Variants in METTL9 observed in about 807,000 individuals in gnomAD.
METTL9 encodes protein-L-histidine N-pros-methyltransferase.
Under a neutral mutation model 36.0 loss-of-function variants are expected in METTL9, and 10 were observed. The ratio of observed to expected loss-of-function variants is 0.28; its 90% CI spans 0.17 to 0.47. The LOEUF (loss-of-function observed/expected upper bound fraction) is 0.47. Ranked by LOEUF, METTL9 falls within the 20% of genes least tolerant of loss-of-function variation. METTL9 has a pLI of 0.99. For synonymous variants in METTL9, 175 were observed against 149.7 expected (o/e 1.17, Z -1.23); for missense variants, 246 against 383.5 (o/e 0.64, Z 3.00).
intron 3 of METTL9, among the ~76,000 whole-genome samples, chr16:21,623,795 G>T (rs1346485550): frequency 1.3e-5 from 2 of 151,798 alleles, no homozygotes; most frequent in Non-Finnish European, 2.9e-5. Context: ...GTTTTGAGAT[G>T]GAGTCTGGCT....
At chr16:21,649,679 T>G (rs1449366419) in intron 4 of METTL9, among the ~76,000 whole-genome samples, 1 of 152,210 alleles carries the variant, frequency 6.6e-6, no homozygotes, top group Non-Finnish European at 1.5e-5. Context: ...GTAAAATTAT[T>G]TTTAAAAAGT....
intron 2 of METTL9, among the ~76,000 whole-genome samples, chr16:21,614,281 C>T (rs1965500998): frequency 6.6e-6 from 1 of 152,026 alleles, no homozygotes; most frequent in Admixed American, 6.6e-5. Context: ...AGATTCTTAT[C>T]CTTTCTGGGG....
In METTL9 at chr16:21,599,777, T is replaced by G. The variant is rs1489522004; in HGVS notation, c.44T>G (p.Val15Gly). ...TGGCTGTGCCTGAGCCTGGCGTCCG[T>G]GTGGCTGGCGCGGAGGATGTGGACG... Reference protein sequence around the residue: ...AGWLCLSLASVWLARRMWTLR... With the variant: ...AGWLCLSLASGWLARRMWTLR... Residue 15 changes from valine (V) to glycine (G), a missense_variant, in exon 1 of 5, where the codon GTG (valine) becomes GGG (glycine). Coordinates refer to ENST00000358154, the MANE Select transcript of METTL9 (RefSeq NM_016025.5). The surrounding 1 kb of genome is among the most constrained non-coding windows in gnomAD (Gnocchi z 4.4). The G allele has an allele frequency of 6.5e-7, 1 of 1,545,566 alleles. No individual in the cohort carries two copies. The highest frequency in any genetic ancestry group is 1.4e-5 in the African/African-American group (1 of 70,078).
intron 4 of METTL9, among the ~76,000 whole-genome samples, chr16:21,637,821 G>A (rs555252902): frequency 6.6e-5 from 10 of 152,360 alleles, no homozygotes; most frequent in African/African-American, 1.2e-4. Flanking sequence ...GCACAGCGGC[G>A]GGCTGAAGTG....
At chr16:21,606,009 C>T (rs2152892770) in intron 1 of METTL9, among the ~76,000 whole-genome samples, 1 of 152,176 alleles carries the variant, frequency 6.6e-6, no homozygotes, top group African/African-American at 2.4e-5. Flanking sequence ...TACCCCACCC[C>T]ACCCCCTAAT....
intron 3 of METTL9, among the ~76,000 whole-genome samples, chr16:21,622,779 A>G (rs1165139751): frequency 6.6e-6 from 1 of 152,198 alleles, no homozygotes; most frequent in Non-Finnish European, 1.5e-5. Context: ...AAAATTACCA[A>G]CACAGAGGCT....
intron 2 of METTL9, among the ~76,000 whole-genome samples, chr16:21,613,964 G>A (rs1965495386): frequency 6.6e-6 from 1 of 151,944 alleles, no homozygotes; most frequent in Admixed American, 6.6e-5. Context: ...CAAACCACTG[G>A]TTGGGCCCAC....
intron 4 of METTL9, among the ~76,000 whole-genome samples, chr16:21,642,795 A>G (rs1055398485): frequency 6.6e-6 from 1 of 152,172 alleles, no homozygotes; most frequent in Middle Eastern, 3.2e-3. Flanking sequence ...ATCCTTTTAA[A>G]GCATCATTGT....
intron 4 of METTL9, chr16:21,646,975 C>T: frequency 2.0e-6 from 2 of 996,032 alleles, no homozygotes; most frequent in South Asian, 2.7e-5. Flanking sequence ...TTCTTTAGTC[C>T]AAACCTCATG....
Position 21,647,534 on chromosome 16 carries a change from C to T in METTL9, c.752-7693C>T, listed in dbSNP as rs747567297. The T allele has an allele frequency of 3.2e-6, 5 of 1,566,296 alleles. No individual in the cohort carries two copies. The East Asian group carries it at 9.0e-5, about 28-fold the overall frequency. ...ATGAGTGGGTTAATGGGCCTGCCAC[C>T]TCACTTTGTGCTTTTATTATATTTT... On this transcript the variant is annotated intron_variant, in intron 4 of 4. Transcript: ENST00000358154.
At chr16:21,622,155 T>TTTTTTTTTTTTTTTTTTTTTG (rs1965719028) in intron 3 of METTL9, among the ~76,000 whole-genome samples, 1 of 123,094 alleles carries the variant, frequency 8.1e-6, no homozygotes, top group African/African-American at 3.4e-5. Flanking sequence ...TTTTTTTTTT[T>TTTTTTTTTTTTTTTTTTTTTG]TTTTTTTGAG....
At chr16:21,630,410 C>T (rs1273899456) in intron 4 of METTL9, among the ~76,000 whole-genome samples, 4 of 152,226 alleles carry the variant, frequency 2.6e-5, no homozygotes, top group African/African-American at 4.8e-5. Context: ...ACAGTGCAGC[C>T]GTGGGCTGAA....
chr16:21,618,661 A>G (rs1002050449), intron 3 of METTL9, among the ~76,000 whole-genome samples: 26 of 151,934 alleles, frequency 1.7e-4, no homozygotes, highest in Non-Finnish European at 3.8e-4. Flanking sequence ...ATGTAGCATA[A>G]TGTCTTCAAG....
At chr16:21,600,355 C>T (rs1965087030) in intron 1 of METTL9, among the ~76,000 whole-genome samples, 1 of 152,140 alleles carries the variant, frequency 6.6e-6, no homozygotes. Context: ...CGTTGAATCC[C>T]AGAACGTACA....
Position 21,627,441 on chromosome 16 carries a change from A to C in METTL9, c.751+2326A>C, listed in dbSNP as rs1320243618. The C allele has an allele frequency of 3.2e-6, 3 of 949,112 alleles. No individual in the cohort carries two copies. In the African/African-American group the frequency reaches 5.3e-5, roughly 17 times the overall value. The allele number at this position is 949,112 out of a possible 1,614,324, so 58.8% of individuals were successfully genotyped here. ...ATTCTAATTTCAGTTTATTTGGTTT[A>C]CTGACCCAGTTTTGGCTAGGGGTTA... On this transcript the variant is annotated intron_variant, in intron 4 of 4. Transcript: ENST00000358154.
intron 4 of METTL9, chr16:21,639,653 T>G (rs1966195257): frequency 6.6e-6 from 1 of 152,222 alleles, no homozygotes; most frequent in Non-Finnish European, 1.5e-5. Context: ...AGGTACATTT[T>G]CATGCATATA....
intron 1 of METTL9, among the ~76,000 whole-genome samples, chr16:21,604,253 A>G (rs1313607779): frequency 6.6e-6 from 1 of 152,088 alleles, no homozygotes. Flanking sequence ...TTGAAACCCC[A>G]AGTGTTTGCT....
At chr16:21,632,440 C>T (rs986248040) in intron 4 of METTL9, among the ~76,000 whole-genome samples, 1 of 152,106 alleles carries the variant, frequency 6.6e-6, no homozygotes, top group Non-Finnish European at 1.5e-5. Flanking sequence ...GAACTTCCAT[C>T]GGTATATAGG....
chr16:21,638,907 C>CA (rs1966176154), intron 4 of METTL9, among the ~76,000 whole-genome samples: 2 of 152,116 alleles, frequency 1.3e-5, no homozygotes, highest in South Asian at 4.1e-4. Flanking sequence ...ATAGTGTTGG[C>CA]GCCTGAAATC....
Sources: allele counts gnomAD v4.1 joint callset (sites outside exome capture counted in the v4.1 genomes callset), GRCh38; gene constraint gnomAD v4.1.1; non-coding constraint Gnocchi (gnomAD v3.1); transcripts MANE v1.5; gene names NCBI Gene and HGNC (gene_info 2026-07-23, HGNC 2026-07-21).